The following PFKP variants were observed in gnomAD, a reference collection of about 807,000 sequenced individuals.
The protein encoded by PFKP is phosphofructokinase, platelet, also known as ATP-dependent 6-phosphofructokinase, platelet type.
A neutral mutation model predicts 94.3 loss-of-function variants in PFKP; 101 were observed. That is an observed-to-expected ratio of 1.07 (90% CI 0.91 to 1.26). The LOEUF (loss-of-function observed/expected upper bound fraction) is 1.26. Among genes scored for constraint, PFKP ranks in the 50% most tolerant of loss-of-function variants. The pLI is 0.00. For synonymous variants in PFKP, 573 were observed against 432.6 expected (o/e 1.32, Z -4.03); for missense variants, 1,145 against 1,103.3 (o/e 1.04, Z -0.53).
intron 5 of PFKP, among the ~76,000 whole-genome samples, chr10:3,104,572 T>C (rs1835355652): frequency 6.6e-6 from 1 of 152,194 alleles, no homozygotes; most frequent in African/African-American, 2.4e-5. Context: ...CAGTGACGCC[T>C]CACTGGACAT....
chr10:3,079,669 G>GGGC (rs1832888733), intron 1 of PFKP, among the ~76,000 whole-genome samples: 1 of 117,480 alleles, frequency 8.5e-6, no homozygotes, highest in African/African-American at 2.8e-5. Flanking sequence ...GGGTGGGGGG[G>GGGC]GGGGGAAGAG....
At chr10:3,075,817 A>C (rs1832531569) in intron 1 of PFKP, among the ~76,000 whole-genome samples, 1 of 146,510 alleles carries the variant, frequency 6.8e-6, no homozygotes, top group Non-Finnish European at 1.5e-5. Flanking sequence ...AGGTGGGAGG[A>C]TTGCCTGAGC....
intron 2 of PFKP, among the ~76,000 whole-genome samples, chr10:3,086,198 A>AT (rs541429815): frequency 2.9e-3 from 446 of 152,168 alleles, no homozygotes; most frequent in Non-Finnish European, 3.7e-3. Context: ...ATGCCTTGTG[A>AT]TTTTCACGGC....
intron 2 of PFKP, among the ~76,000 whole-genome samples, chr10:3,091,502 A>G (rs977064675): frequency 6.6e-6 from 1 of 152,218 alleles, no homozygotes; most frequent in African/African-American, 2.4e-5. Context: ...ATATTATTAT[A>G]GCTCTTCAAA....
intron 21 of PFKP, 35 bp downstream of exon 21, chr10:3,135,873 C>A: frequency 7.8e-7 from 1 of 1,278,930 alleles, no homozygotes; most frequent in Non-Finnish European, 1.1e-6. Flanking sequence ...CAATAAGACC[C>A]CAATGTGAGT....
intron 3 of PFKP, chr10:3,101,000 G>A (rs1834946053): frequency 4.3e-6 from 7 of 1,611,504 alleles, no homozygotes; most frequent in Non-Finnish European, 5.9e-6. Flanking sequence ...ATGCTCTGGT[G>A]GTCAGTGGGC....
intron 14 of PFKP, among the ~76,000 whole-genome samples, chr10:3,117,828 C>T (rs974094969): frequency 6.6e-5 from 10 of 152,170 alleles, no homozygotes; most frequent in African/African-American, 1.2e-4. Flanking sequence ...GTTGTGGGCT[C>T]GTCCTGAAGA....
At chr10:3,102,215 C>T (rs1278557175) in intron 4 of PFKP, among the ~76,000 whole-genome samples, 5 of 123,772 alleles carry the variant, frequency 4.0e-5, no homozygotes, top group African/African-American at 1.5e-4. Flanking sequence ...CCCGCCACTG[C>T]ACTCCAGCCT....
chr10:3,093,868 C>T (rs1392989356), intron 2 of PFKP, among the ~76,000 whole-genome samples: 1 of 152,158 alleles, frequency 6.6e-6, no homozygotes, highest in Non-Finnish European at 1.5e-5. Flanking sequence ...TGGTCTCCAT[C>T]TCCTGACCTT....
chr10:3,076,162 T>C (rs867873014), intron 1 of PFKP, among the ~76,000 whole-genome samples: 8 of 152,114 alleles, frequency 5.3e-5, no homozygotes, highest in Non-Finnish European at 1.2e-4. Context: ...TGAAACCCAG[T>C]GTGTAAAGAA....
intron 1 of PFKP, chr10:3,069,388 G>T: frequency 6.3e-7 from 1 of 1,587,338 alleles, no homozygotes; most frequent in East Asian, 2.3e-5. Flanking sequence ...GGAGATGTGC[G>T]GGTACGAATG....
intron 19 of PFKP, 113 bp from the exon 20 acceptor site, chr10:3,134,370 A>C: frequency 1.4e-6 from 1 of 710,132 alleles, no homozygotes; most frequent in South Asian, 1.7e-5. Flanking sequence ...TGTTCCAACT[A>C]TAAGGACCTA....
chr10:3,101,627 C>T (rs1835007134), intron 4 of PFKP, 73 bp downstream of exon 4: 4 of 1,093,774 alleles, frequency 3.7e-6, no homozygotes, highest in East Asian at 5.6e-5. Context: ...ACAGGTTTCC[C>T]TCTTCACTGT....
chr10:3,136,345 TACAAACCCTGTGTTTCTG>T, intron 21 of PFKP, 87 bp from the exon 22 acceptor site: 1 of 1,209,586 alleles, frequency 8.3e-7, no homozygotes, highest in Non-Finnish European at 1.2e-6. Flanking sequence ...CAGCCGACCC[TACAAACCCTGTGTTTCTG>T]GCAAGACCGC....
chr10:3,120,168 T>C, intron 16 of PFKP, 124 bp downstream of exon 16: 1 of 782,880 alleles, frequency 1.3e-6, no homozygotes, highest in East Asian at 2.6e-5. Context: ...GAGCTTCTCG[T>C]TCTTTTTTTC....
intron 2 of PFKP, among the ~76,000 whole-genome samples, chr10:3,093,922 C>A (rs373617228): frequency 2.0e-5 from 3 of 152,198 alleles, no homozygotes; most frequent in Non-Finnish European, 2.9e-5. Context: ...GGATTACAGG[C>A]GTGAGCCACC....
chr10:3,133,462 G>A, intron 19 of PFKP, 148 bp downstream of exon 19: 1 of 634,934 alleles, frequency 1.6e-6, no homozygotes, highest in East Asian at 2.9e-5. Context: ...ACAGAGTCTT[G>A]CTCTGTTGCC....
At chr10:3,099,383 C>T (rs752315343) in intron 3 of PFKP, 31 bp downstream of exon 3, 1 of 1,549,674 alleles carries the variant, frequency 6.5e-7, no homozygotes, top group Non-Finnish European at 8.9e-7. Context: ...ACAGGGTTCT[C>T]TGAGTTAGAG....
chr10:3,113,520 T>G lies in PFKP; in HGVS notation c.1371+2T>G. 1 of 1,611,864 alleles carries G rather than the reference T, an allele frequency of 6.2e-7. No individual in the cohort carries two copies. The highest frequency in any genetic ancestry group is 8.5e-7 in the Non-Finnish European group (1 of 1,179,836). On this transcript the variant is annotated splice_donor_variant, in intron 13 of 21. Coordinates refer to ENST00000381125, the MANE Select transcript of PFKP (RefSeq NM_002627.5). LOFTEE classifies it high-confidence loss of function. The stretch of plus-strand genomic sequence containing the variant: ...TTTGACGGCTTCGCCAAGGGCCAGG[T>G]GAGTCACCCAGGATGCCGTAGGCAG...
Sources: gnomAD v4.1 joint callset for allele counts (sites outside exome capture counted in the v4.1 genomes callset) on GRCh38, gnomAD v4.1.1 for gene constraint, MANE v1.5 for transcripts, NCBI Gene and HGNC (gene_info 2026-07-23, HGNC 2026-07-21) for gene names.